PID1: variants seen among roughly 807,000 people sequenced by gnomAD.
PID1 encodes PTB-containing, cubilin and LRP1-interacting protein.
A neutral mutation model predicts 19.1 loss-of-function variants in PID1; 10 were observed. The ratio of observed to expected loss-of-function variants is 0.52; its 90% CI spans 0.32 to 0.89. The LOEUF (loss-of-function observed/expected upper bound fraction) is 0.89, where lower values mean the gene tolerates loss of function less well. PID1 is among the 40% of genes least tolerant of loss of function. The pLI is 0.03. For synonymous variants in PID1, 130 were observed against 116.0 expected (o/e 1.12, Z -0.78); for missense variants, 248 against 285.3 (o/e 0.87, Z 0.94).
chr2:229,091,650 G>A (rs1055840921), intron 2 of PID1, among the ~76,000 whole-genome samples: 8 of 152,134 alleles, frequency 5.3e-5, no homozygotes, highest in African/African-American at 1.9e-4. Flanking sequence ...GCACCTTGAT[G>A]TTGGACTTCC....
chr2:229,251,235 C>T (rs1253016845), intron 1 of PID1, among the ~76,000 whole-genome samples: 2 of 151,132 alleles, frequency 1.3e-5, no homozygotes, highest in Admixed American at 6.6e-5. Flanking sequence ...ATAAAGCACA[C>T]AAGATTTGAA....
At chr2:229,255,108 G>A (rs533807607) in intron 1 of PID1, among the ~76,000 whole-genome samples, 1 of 152,288 alleles carries the variant, frequency 6.6e-6, no homozygotes, top group African/African-American at 2.4e-5. Context: ...ATAGACAACT[G>A]TCTCAAGTCT....
intron 2 of PID1, among the ~76,000 whole-genome samples, chr2:229,084,073 C>A: frequency 6.6e-6 from 1 of 152,282 alleles, no homozygotes; most frequent in Non-Finnish European, 1.5e-5. Context: ...CACTGCCAAT[C>A]GGACCCTTTA....
At chr2:229,266,688 C>T (rs186930891) in intron 1 of PID1, among the ~76,000 whole-genome samples, 98 of 152,334 alleles carry the variant, frequency 6.4e-4, no homozygotes, top group African/African-American at 2.2e-3. Context: ...AGCTGCTCAA[C>T]GCTGGCCAAA....
intron 2 of PID1, among the ~76,000 whole-genome samples, chr2:229,111,473 C>G (rs984893317): frequency 6.6e-6 from 1 of 152,122 alleles, no homozygotes; most frequent in East Asian, 1.9e-4. Context: ...ACGCAAAAAT[C>G]TACAATTAAG....
At chr2:229,046,602 C>T (rs1221565856) in intron 2 of PID1, among the ~76,000 whole-genome samples, 1 of 151,740 alleles carries the variant, frequency 6.6e-6, no homozygotes, top group Non-Finnish European at 1.5e-5. Context: ...TAATTTAAGC[C>T]CTAGATAATG....
At chr2:229,200,181 A>G (rs1251191906) in intron 1 of PID1, among the ~76,000 whole-genome samples, 1 of 152,002 alleles carries the variant, frequency 6.6e-6, no homozygotes, top group Non-Finnish European at 1.5e-5. Context: ...GGCCATGGCC[A>G]TCTGAGGAGT....
intron 2 of PID1, among the ~76,000 whole-genome samples, chr2:229,084,603 A>T (rs1342775879): frequency 1.3e-5 from 2 of 152,196 alleles, no homozygotes; most frequent in African/African-American, 4.8e-5. Flanking sequence ...CTGATTAATA[A>T]CAAATGTGAT....
At chr2:229,174,740 GAA>G (rs1246674435) in intron 1 of PID1, among the ~76,000 whole-genome samples, 14 of 133,502 alleles carry the variant, frequency 1.0e-4, no homozygotes, top group Non-Finnish European at 1.9e-4. Flanking sequence ...AAAAAAAAAA[GAA>G]AGAGAGTACA....
chr2:229,220,162 G>T (rs897345717), intron 1 of PID1, among the ~76,000 whole-genome samples: 1 of 151,964 alleles, frequency 6.6e-6, no homozygotes, highest in Non-Finnish European at 1.5e-5. Flanking sequence ...TAGGACCACA[G>T]GTACACTCCA....
At chr2:229,090,532 T>A (rs1411047330) in intron 2 of PID1, among the ~76,000 whole-genome samples, 1 of 152,186 alleles carries the variant, frequency 6.6e-6, no homozygotes, top group Non-Finnish European at 1.5e-5. Flanking sequence ...AACTTCCCGA[T>A]GCCCAGATCA....
intron 2 of PID1, among the ~76,000 whole-genome samples, chr2:229,097,839 A>C (rs1695000617): frequency 6.6e-6 from 1 of 152,188 alleles, no homozygotes; most frequent in Admixed American, 6.5e-5. Context: ...TCTACAGAGA[A>C]GACAAGCAAG....
intron 1 of PID1, among the ~76,000 whole-genome samples, chr2:229,241,707 T>C (rs17255908): frequency 0.14 from 21,769 of 152,138 alleles, 1,767 homozygotes; most frequent in South Asian, 0.19. Flanking sequence ...GTTATAATAA[T>C]CAACCTAGAT....
chr2:229,228,661 T>G (rs1029953756), intron 1 of PID1, among the ~76,000 whole-genome samples: 1 of 152,208 alleles, frequency 6.6e-6, no homozygotes, highest in Non-Finnish European at 1.5e-5. Flanking sequence ...TGTGTGTATA[T>G]ATGTGTAGTT....
At chr2:229,260,999 G>A (rs1690450558) in intron 1 of PID1, among the ~76,000 whole-genome samples, 1 of 151,946 alleles carries the variant, frequency 6.6e-6, no homozygotes, top group Non-Finnish European at 1.5e-5. Context: ...AGTAAGGTGG[G>A]CTCAACCACT....
intron 1 of PID1, among the ~76,000 whole-genome samples, chr2:229,240,884 T>C (rs1464977748): frequency 6.6e-6 from 1 of 152,170 alleles, no homozygotes; most frequent in Non-Finnish European, 1.5e-5. Context: ...TATGGGGCTC[T>C]GTTAATTCTT....
intron 1 of PID1, among the ~76,000 whole-genome samples, chr2:229,194,574 A>C (rs570967293): frequency 2.0e-4 from 30 of 152,060 alleles, no homozygotes; most frequent in Admixed American, 1.6e-3. Context: ...TTCCAGATCA[A>C]ATTTAGAATT....
At chr2:229,167,945 T>A (rs530914787) in intron 1 of PID1, among the ~76,000 whole-genome samples, 1 of 152,294 alleles carries the variant, frequency 6.6e-6, no homozygotes, top group East Asian at 1.9e-4. Flanking sequence ...TAACTTTAGA[T>A]TTAACTTGTG....
intron 1 of PID1, among the ~76,000 whole-genome samples, chr2:229,217,879 C>A (rs1332966695): frequency 6.6e-6 from 1 of 152,082 alleles, no homozygotes; most frequent in Admixed American, 6.5e-5. Flanking sequence ...TCCAACTACC[C>A]CAAACCAGTC....
Sources: allele counts gnomAD v4.1 joint callset (sites outside exome capture counted in the v4.1 genomes callset), GRCh38; gene constraint gnomAD v4.1.1; transcripts MANE v1.5; gene names NCBI Gene and HGNC (gene_info 2026-07-23, HGNC 2026-07-21).